The following WDR43 variants were observed in gnomAD, a reference collection of about 807,000 sequenced individuals.
WDR43 encodes the protein WD repeat domain 43.
In WDR43, 13 loss-of-function variants were observed where a neutral mutation model predicts 91.4. The observed-to-expected ratio is 0.14, with a 90% CI of 0.09 to 0.23. WDR43 has a LOEUF of 0.23. WDR43 is among the 10% of genes least tolerant of loss of function. WDR43 has a pLI of 1.00. For synonymous variants in WDR43, 331 were observed against 287.9 expected, an observed-to-expected ratio of 1.15 and a Z score of -1.51; for missense variants, 780 against 809.4, an observed-to-expected ratio of 0.96 and a Z score of 0.44.
intron 10 of WDR43, 125 bp from the exon 11 acceptor site, chr2:28,929,454 G>T: frequency 2.0e-5 from 17 of 841,622 alleles, no homozygotes; most frequent in Non-Finnish European, 2.8e-5. Context: ...ATAAGAATGA[G>T]CATATTAGTG....
chr2:28,942,443 T>G, intron 16 of WDR43, 62 bp downstream of exon 16: 1 of 1,530,814 alleles, frequency 6.5e-7, no homozygotes. Context: ...AGTGACTGAG[T>G]TCTGTTATCT....
At chr2:28,930,295 G>T in intron 11 of WDR43, 2 of 332,852 alleles carry the variant, frequency 6.0e-6, no homozygotes, top group South Asian at 2.5e-5. Context: ...TACTCAGTTT[G>T]ATTCTCTTAA....
chr2:28,935,538 G>T lies in WDR43; in HGVS notation c.1455G>T (p.Arg485Ser). 6.3e-7 allele frequency: 1 copy of T among 1,592,790 alleles called. No individual in the cohort carries two copies. Among genetic ancestry groups the T allele is most frequent in the Non-Finnish European group, 8.5e-7 (1 of 1,171,126 alleles). Residue 485 changes from arginine (R) to serine (S), a missense_variant, in exon 12 of 18, where the codon AGG (arginine) becomes AGT (serine). Physicochemically the swap from Arg to Ser is moderately radical, Grantham distance 110. Around this residue, in one of 4 missense-constraint regions of WDR43, gnomAD observed 426 missense variants for 467.8 expected, o/e 0.91. Coordinates refer to ENST00000407426, the MANE Select transcript of WDR43 (RefSeq NM_015131.3). ...FEMLNKVLQT[R>S]NVNLIKKTVL... is the part of the protein sequence containing the mutation. ...TCTCACAGAAAGTACTTCAAACTAG[G>T]AATGTAAACCTTATAAAGAAGACTG...
Position 28,943,389 on chromosome 2 carries a change from G to C in WDR43, c.1804+1008G>C, listed in dbSNP as rs191216279. 7.6e-4 allele frequency among the ~76,000 whole-genome samples: 116 copies of C among 152,260 alleles called. No homozygotes were observed. The South Asian group carries it at 0.013, about 17-fold the overall frequency. On this transcript the variant is annotated intron_variant, in intron 16 of 17. Transcript: ENST00000407426. ...CCTCAAAAACGGTCTTCTCGCGTCA[G>C]CTTCCCAAAGTGCTGGGAATAGAAG...
rs531707630 is a variant in WDR43 at position 28,902,040 on chromosome 2, G to A, written c.279G>A (p.Gln93=). ...CAGAAGCTGTAGGAATGAGTAACCA[G>A]ACTGACTTATTGGCTCTTGGCACAG... ...RKSEAVGMSN[Q]TDLLALGTAV... The change falls in exon 2 of 18, where the codon CAG becomes CAA. Residue 93 remains glutamine, a synonymous_variant. Coordinates refer to ENST00000407426, the MANE Select transcript of WDR43 (RefSeq NM_015131.3). 6.2e-7 allele frequency: 1 copy of A among 1,610,840 alleles called. No homozygotes were observed. The highest frequency in any genetic ancestry group is 8.5e-7 in the Non-Finnish European group (1 of 1,179,080).
chr2:28,912,529 C>G, intron 3 of WDR43, 61 bp from the exon 4 acceptor site: 2 of 1,560,794 alleles, frequency 1.3e-6, no homozygotes, highest in Non-Finnish European at 1.7e-6. Flanking sequence ...TTGTTATTTT[C>G]TGCTCTGAGT....
In WDR43 at chr2:28,936,800, G is replaced by A. The variant is rs115869444; in HGVS notation, c.1525-122G>A. 7.2e-5 allele frequency: 63 copies of A among 872,326 alleles called. 1 individual carries two copies. In the South Asian group the frequency reaches 9.3e-4, roughly 13 times the overall value. 54.0% of individuals were successfully genotyped at this position (872,326 alleles called of 1,614,324 possible). On this transcript the variant is annotated intron_variant, in intron 12 of 17. Coordinates refer to ENST00000407426, the MANE Select transcript of WDR43 (RefSeq NM_015131.3). ...GGAATGTATTCATAGACTGTATTAT[G>A]CGGTTTAAAATAGACTACTTATTAG...
chr2:28,929,617 C>T lies in WDR43; in HGVS notation c.1344C>T (p.Asp448=). ...AACGTCTGGGAGCAATGGATATAGA[C>T]ACACACAAAAAAGGAAAGGAAGACC... The part of the protein sequence containing the change: ...IEERLGAMDI[D]THKKGKEDLQ... The change falls in exon 11 of 18, where the codon GAC becomes GAT. Residue 448 remains aspartate (D), a synonymous_variant. Coordinates refer to ENST00000407426, the MANE Select transcript of WDR43 (RefSeq NM_015131.3). The T allele has an allele frequency of 1.2e-6, 2 of 1,613,336 alleles. No homozygotes were observed. Among genetic ancestry groups the T allele is most frequent in the Non-Finnish European group, 1.7e-6 (2 of 1,179,558 alleles).
At chr2:28,938,256 G>A (rs1671370807) in intron 14 of WDR43, among the ~76,000 whole-genome samples, 1 of 152,098 alleles carries the variant, frequency 6.6e-6, no homozygotes, top group Admixed American at 6.5e-5. Flanking sequence ...AATACAGAAA[G>A]GAGAAAAGTT....
intron 1 of WDR43, among the ~76,000 whole-genome samples, chr2:28,898,533 A>G (rs1377218617): frequency 6.6e-6 from 1 of 152,218 alleles, no homozygotes; most frequent in Non-Finnish European, 1.5e-5. Flanking sequence ...TGTGAAACAC[A>G]CATGCAGTGG....
chr2:28,940,094 A>G (rs1259202287), intron 14 of WDR43, among the ~76,000 whole-genome samples: 1 of 128,408 alleles, frequency 7.8e-6, no homozygotes, highest in Non-Finnish European at 1.6e-5. Context: ...CCTGGGCGAC[A>G]GAGCGAGACT....
chr2:28,930,180 T>G (rs1273727174), intron 11 of WDR43: 2 of 461,964 alleles, frequency 4.3e-6, no homozygotes, highest in Non-Finnish European at 4.5e-6. Flanking sequence ...TTCAAGAGGG[T>G]TGGGGGTTAT....
In WDR43 at chr2:28,901,911, G is replaced by A. The variant is rs1363756342; in HGVS notation, c.226-76G>A. On this transcript the variant is annotated intron_variant, in intron 1 of 17. Coordinates refer to ENST00000407426, the MANE Select transcript of WDR43 (RefSeq NM_015131.3). ...TAAAATGTCTTTTGTGGGCTGGTGG[G>A]CATTTGTATTTGTTCATTAACGATG... The A allele has an allele frequency of 2.2e-6, 3 of 1,384,762 alleles. No homozygotes were observed. The African/African-American group carries it at 4.4e-5, about 20-fold the overall frequency. The allele number at this position is 1,384,762 out of a possible 1,614,324, so 85.8% of individuals were successfully genotyped here.
intron 14 of WDR43, among the ~76,000 whole-genome samples, chr2:28,939,262 T>C (rs968701579): frequency 7.9e-5 from 12 of 152,058 alleles, no homozygotes; most frequent in African/African-American, 2.9e-4. Flanking sequence ...TGCAATTGCA[T>C]GAACGATCCC....
intron 7 of WDR43, among the ~76,000 whole-genome samples, chr2:28,924,104 G>A (rs1641715916): frequency 6.6e-6 from 1 of 152,126 alleles, no homozygotes; most frequent in Non-Finnish European, 1.5e-5. Context: ...GAGAATAAGT[G>A]GTAATAAGAT....
intron 16 of WDR43, among the ~76,000 whole-genome samples, chr2:28,946,206 G>T (rs1391804720): frequency 6.6e-6 from 1 of 151,990 alleles, no homozygotes; most frequent in African/African-American, 2.4e-5. Flanking sequence ...CTACTCAGGA[G>T]GCTGAGGCAG....
chr2:28,927,699 A>G lies in WDR43; in HGVS notation c.1304A>G (p.Glu435Gly). The G allele has an allele frequency of 6.2e-7, 1 of 1,613,852 alleles. No individual in the cohort carries two copies. Among genetic ancestry groups the G allele is most frequent in the Non-Finnish European group, 8.5e-7 (1 of 1,179,808 alleles). The change falls in exon 10 of 18, where the codon GAG becomes GGG. Residue 435 changes from glutamate to glycine, a missense_variant and splice_region_variant. Around this residue, in one of 4 missense-constraint regions of WDR43, gnomAD observed 426 missense variants for 467.8 expected, o/e 0.91. Coordinates refer to ENST00000407426, the MANE Select transcript of WDR43 (RefSeq NM_015131.3). ...VESKRKSGGN[E>G]VSIEERLGAM... Reference sequence around the variant, plus strand: ...AGCAAGAGGAAGTCAGGGGGAAATGAGGTAATGCAACTGCTTTGACCATAT... The same window carrying G: ...AGCAAGAGGAAGTCAGGGGGAAATGGGGTAATGCAACTGCTTTGACCATAT...
chr2:28,925,171 T>C lies in WDR43; in HGVS notation c.1086+18T>C. On this transcript the variant is annotated intron_variant, in intron 8 of 17. Transcript: ENST00000407426. Reference sequence around the variant, plus strand: ...AGCGAGTGGTACGTAGCTGCTACTCTGGAGTAAAGCAATATAGCATCCCTG... The same window carrying C: ...AGCGAGTGGTACGTAGCTGCTACTCCGGAGTAAAGCAATATAGCATCCCTG... 2 of 1,598,684 alleles carry C rather than the reference T, an allele frequency of 1.3e-6. No individual in the cohort carries two copies. Among genetic ancestry groups the C allele is most frequent in the Non-Finnish European group, 1.7e-6 (2 of 1,171,968 alleles).
rs763026244 is a variant in WDR43 at position 28,936,938 on chromosome 2, A to T, written c.1541A>T (p.Gln514Leu). Reference protein sequence around the residue: ...PLLQELTKRLQGHPNSAVLMV... With the variant: ...PLLQELTKRLLGHPNSAVLMV... ...CTCCCTTAGCTTACAAAGAGGTTAC[A>T]AGGACATCCTAATAGGTAAGATTAA... Residue 514 changes from glutamine to leucine, a missense_variant, in exon 13 of 18, where the codon CAA (glutamine) becomes CTA (leucine). Physicochemically the swap from Gln to Leu is moderately radical, Grantham distance 113 (BLOSUM62 -2). Coordinates refer to ENST00000407426, the MANE Select transcript of WDR43 (RefSeq NM_015131.3). The T allele has an allele frequency of 1.3e-6, 2 of 1,574,320 alleles. No homozygotes were observed. Among genetic ancestry groups the T allele is most frequent in the Admixed American group, 1.9e-5 (1 of 54,016 alleles).
Sources: gnomAD v4.1 joint callset for allele counts (sites outside exome capture counted in the v4.1 genomes callset) on GRCh38, gnomAD v4.1.1 for gene constraint, gnomAD v4.1.1 regional missense constraint, MANE v1.5 for transcripts, NCBI Gene and HGNC (gene_info 2026-07-23, HGNC 2026-07-21) for gene names.